Variants in STIM2 observed in about 807,000 individuals in gnomAD.
STIM2 encodes the protein stromal interaction molecule 2.
A neutral mutation model predicts 85.8 loss-of-function variants in STIM2; 31 were observed. The ratio of observed to expected loss-of-function variants is 0.36; its 90% confidence interval spans 0.27 to 0.49. The LOEUF is 0.49. STIM2 is among the 20% of genes least tolerant of loss of function. STIM2 has a pLI of 0.98. For synonymous variants in STIM2, 356 were observed against 331.1 expected, an observed-to-expected ratio of 1.08 and a Z score of -0.82; for missense variants, 841 against 927.6, an observed-to-expected ratio of 0.91 and a Z score of 1.21.
In STIM2 at chr4:26,922,820, T is replaced by A. The variant is rs369413970; in HGVS notation, c.282+3186T>A. ...CTTTGTTAGCATAAACTCAGGTTGG[T>A]GGATGGGGGCAATAGTGAATAACAA... On this transcript the variant is annotated intron_variant, in intron 2 of 11. Coordinates refer to ENST00000467087, the MANE Select transcript of STIM2 (RefSeq NM_020860.4). Among the ~76,000 whole-genome samples, 6 of 152,222 alleles carry A rather than the reference T, an allele frequency of 3.9e-5. No homozygotes were observed. The East Asian group carries it at 9.6e-4, about 24-fold the overall frequency.
intron 2 of STIM2, among the ~76,000 whole-genome samples, chr4:26,927,867 A>AT (rs1725029653): frequency 6.8e-6 from 1 of 146,542 alleles, no homozygotes; most frequent in Non-Finnish European, 1.5e-5. Flanking sequence ...ATTATTATAT[A>AT]AATTATATAT....
Position 27,008,721 on chromosome 4 carries a change from G to GTGT in STIM2, c.1251-43_1251-42insTGT, listed in dbSNP as rs1486837092. On this transcript the variant is annotated intron_variant, in intron 9 of 11. Coordinates refer to ENST00000467087, the MANE Select transcript of STIM2 (RefSeq NM_020860.4). Reference sequence around the variant, plus strand: ...TGCCTTTTTTCAGTGCCATATTAAAGACCTTTTGATGCAGTAAGTAATTTC... The same window carrying GTGT: ...TGCCTTTTTTCAGTGCCATATTAAAGTGTACCTTTTGATGCAGTAAGTAATTTC... 4 of 1,586,096 alleles carry GTGT rather than the reference G, an allele frequency of 2.5e-6. No individual in the cohort carries two copies. The Admixed American group carries it at 6.7e-5, about 27-fold the overall frequency.
intron 3 of STIM2, among the ~76,000 whole-genome samples, chr4:26,968,821 G>A (rs942374105): frequency 6.6e-6 from 1 of 152,188 alleles, no homozygotes; most frequent in Non-Finnish European, 1.5e-5. Flanking sequence ...GTAGTCTGAT[G>A]AGGTAGAAGG....
chr4:26,879,697 T>G (rs1722932886), intron 1 of STIM2, among the ~76,000 whole-genome samples: 1 of 152,206 alleles, frequency 6.6e-6, no homozygotes, highest in Non-Finnish European at 1.5e-5. Flanking sequence ...ACATTAGTAA[T>G]ATTCCATCTC....
At chr4:26,905,643 G>A (rs1724095069) in intron 1 of STIM2, among the ~76,000 whole-genome samples, 1 of 152,110 alleles carries the variant, frequency 6.6e-6, no homozygotes. Context: ...TTATAAAAAA[G>A]AGAAAATTTT....
chr4:26,905,103 G>A (rs1724076045), intron 1 of STIM2, among the ~76,000 whole-genome samples: 1 of 152,126 alleles, frequency 6.6e-6, no homozygotes, highest in Admixed American at 6.6e-5. Flanking sequence ...AGATAGGAAG[G>A]AGGCATTGGA....
intron 1 of STIM2, among the ~76,000 whole-genome samples, chr4:26,904,629 G>A (rs1483065258): frequency 5.3e-5 from 8 of 152,184 alleles, no homozygotes; most frequent in Non-Finnish European, 1.2e-4. Flanking sequence ...GCAGAGGCCT[G>A]ACTGGAGTGG....
At chr4:26,939,808 C>T (rs770962311) in intron 2 of STIM2, among the ~76,000 whole-genome samples, 9 of 152,076 alleles carry the variant, frequency 5.9e-5, no homozygotes, top group East Asian at 3.9e-4. Flanking sequence ...TTGAAGTTCT[C>T]GTTTATATAT....
At chr4:26,874,596 T>C (rs1314138553) in intron 1 of STIM2, among the ~76,000 whole-genome samples, 1 of 152,242 alleles carries the variant, frequency 6.6e-6, no homozygotes, top group African/African-American at 2.4e-5. Flanking sequence ...GATAATTTCA[T>C]ATCTTTTCGA....
chr4:26,886,086 G>A (rs1723237615), intron 1 of STIM2, among the ~76,000 whole-genome samples: 1 of 151,778 alleles, frequency 6.6e-6, no homozygotes, highest in African/African-American at 2.4e-5. Flanking sequence ...AGGTTCAGTG[G>A]AACAGAGGAG....
At chr4:26,888,216 C>T (rs1723332010) in intron 1 of STIM2, among the ~76,000 whole-genome samples, 1 of 152,182 alleles carries the variant, frequency 6.6e-6, no homozygotes, top group Non-Finnish European at 1.5e-5. Context: ...ACTTGGCGCC[C>T]ATACACATCT....
intron 3 of STIM2, among the ~76,000 whole-genome samples, chr4:26,971,173 T>C (rs902922164): frequency 6.6e-6 from 1 of 152,226 alleles, no homozygotes; most frequent in East Asian, 1.9e-4. Flanking sequence ...ATTGCAAAAA[T>C]TTTCTCTCAT....
At chr4:26,879,075 G>C (rs375726134) in intron 1 of STIM2, among the ~76,000 whole-genome samples, 1 of 152,114 alleles carries the variant, frequency 6.6e-6, no homozygotes. Context: ...CTCCCCTGTC[G>C]TGTGCTCTTT....
intron 1 of STIM2, among the ~76,000 whole-genome samples, chr4:26,879,626 G>A (rs1450441134): frequency 6.6e-6 from 1 of 152,100 alleles, no homozygotes; most frequent in East Asian, 1.9e-4. Context: ...GAAACCGAAG[G>A]ACTATGTAAG....
chr4:26,950,655 C>G (rs991538676), intron 2 of STIM2, among the ~76,000 whole-genome samples: 7 of 152,180 alleles, frequency 4.6e-5, no homozygotes, highest in African/African-American at 1.7e-4. Flanking sequence ...GCCTCCAGAA[C>G]TGTGAGAAAA....
chr4:26,942,411 G>A (rs1180922874), intron 2 of STIM2, among the ~76,000 whole-genome samples: 1 of 151,984 alleles, frequency 6.6e-6, no homozygotes, highest in African/African-American at 2.4e-5. Context: ...AGAACTTCTT[G>A]ACTCTCCTTC....
chr4:26,866,511 C>T (rs1342488038), intron 1 of STIM2, among the ~76,000 whole-genome samples: 2 of 152,118 alleles, frequency 1.3e-5, no homozygotes, highest in South Asian at 4.1e-4. Flanking sequence ...GGTAGGACTT[C>T]TTGTGGAGAT....
chr4:26,875,355 C>T (rs942606818), intron 1 of STIM2, among the ~76,000 whole-genome samples: 6 of 152,074 alleles, frequency 3.9e-5, no homozygotes, highest in East Asian at 1.9e-4. Context: ...GTTGTTTAAA[C>T]GTGTTTATAA....
Position 27,002,235 on chromosome 4 carries a change from T to A in STIM2, c.644T>A (p.Met215Lys). 6.2e-7 allele frequency: 1 copy of A among 1,609,962 alleles called. No individual in the cohort carries two copies. Among genetic ancestry groups the A allele is most frequent in the Non-Finnish European group, 8.5e-7 (1 of 1,178,884 alleles). Residue 215 changes from methionine to lysine, a missense_variant, in exon 6 of 12, where the codon ATG becomes AAG. By Grantham distance (95) the Met-to-Lys change is moderately conservative. This residue lies in a region of STIM2 where 408 missense variants were observed against 525.4 expected (regional missense o/e 0.78). Transcript: ENST00000467087. ...TTAATAGGCCCACCTCATAACTGGA[T>A]GAAAGATTTTATCCTCACAGTTTCT... is the stretch of plus-strand genomic sequence containing the variant.
Sources: gnomAD v4.1 joint callset for allele counts (sites outside exome capture counted in the v4.1 genomes callset) on GRCh38, gnomAD v4.1.1 for gene constraint, gnomAD v4.1.1 regional missense constraint, MANE v1.5 for transcripts, NCBI Gene and HGNC (gene_info 2026-07-23, HGNC 2026-07-21) for gene names.